CORO2B: variants seen among roughly 807,000 people sequenced by gnomAD.
The protein encoded by CORO2B is coronin 2B.
A neutral mutation model predicts 58.8 loss-of-function variants in CORO2B; 26 were observed. That is an observed-to-expected ratio of 0.44 (90% CI 0.32 to 0.61). The LOEUF (loss-of-function observed/expected upper bound fraction) is 0.61, where lower values mean the gene tolerates loss of function less well. Ranked by LOEUF, CORO2B falls within the 20% of genes least tolerant of loss-of-function variation. CORO2B has a pLI of 0.04. For missense variants in CORO2B, 460 were observed against 645.1 expected (o/e 0.71, Z 3.11); for synonymous variants, 242 against 253.8 (o/e 0.95, Z 0.44).
the CORO2B span, among the ~76,000 whole-genome samples, chr15:68,559,766 C>T: frequency 9.4e-3 from 1,428 of 152,276 alleles, 31 homozygotes; most frequent in African/African-American, 0.032. This position sits in a 1 kb window ranked among gnomAD's most constrained non-coding sequence, Gnocchi z 4.3. Flanking sequence ...TGCAGCTCCA[C>T]GGCGTGCCCA....
At chr15:68,569,816 G>C in the CORO2B span, among the ~76,000 whole-genome samples, 1 of 152,216 alleles carries the variant, frequency 6.6e-6, no homozygotes, top group South Asian at 2.1e-4. Context: ...TCAGTGTTTA[G>C]AGCTTTGCCC....
At chr15:68,635,316 T>C (rs183729060) in intron 1 of CORO2B, among the ~76,000 whole-genome samples, 1 of 152,310 alleles carries the variant, frequency 6.6e-6, no homozygotes, top group East Asian at 1.9e-4. Context: ...CCAGCCTCAG[T>C]GGCTGCAAAT....
At position 68,604,619 on chromosome 15, in the gene CORO2B, TA is replaced by T. The variant is rs58032591; in HGVS notation, c.15+25353del. Among the ~76,000 whole-genome samples the T allele has an allele frequency of 4.3e-4, 62 of 145,664 alleles. 1 individual carries two copies. In the South Asian group the frequency reaches 8.7e-3, roughly 20 times the overall value. On this transcript the variant is annotated intron_variant, in intron 1 of 11. Transcript: ENST00000261861. ...TCCTCTCTATGTATAAGTTGTGATT[TA>T]AAAAAAAAAACCTCCCTTCTGTGTA...
intron 2 of CORO2B, among the ~76,000 whole-genome samples, chr15:68,681,186 C>A (rs1168698699): frequency 6.6e-6 from 1 of 151,896 alleles, no homozygotes; most frequent in Non-Finnish European, 1.5e-5. Flanking sequence ...GCACTCTAGC[C>A]TGGGCGAGAG....
chr15:68,677,393 G>A (rs1902624191), intron 2 of CORO2B, among the ~76,000 whole-genome samples: 1 of 152,206 alleles, frequency 6.6e-6, no homozygotes, highest in Non-Finnish European at 1.5e-5. Context: ...AGGGCTAGCT[G>A]AAGGCCACAC....
chr15:68,625,730 A>G (rs61139980), intron 1 of CORO2B, among the ~76,000 whole-genome samples: 5,657 of 152,172 alleles, frequency 0.037, 126 homozygotes, highest in South Asian at 0.1. Flanking sequence ...TCAGCACCCC[A>G]AGTAGCTAGG....
chr15:68,720,055 C>T (rs148426892), intron 11 of CORO2B, among the ~76,000 whole-genome samples: 68 of 152,270 alleles, frequency 4.5e-4, no homozygotes, highest in African/African-American at 1.4e-3. Context: ...TGTCCCCCAG[C>T]GGTATTTCGT....
intron 3 of CORO2B, among the ~76,000 whole-genome samples, chr15:68,706,157 C>T (rs1196290573): frequency 6.6e-6 from 1 of 152,220 alleles, no homozygotes; most frequent in Non-Finnish European, 1.5e-5. Flanking sequence ...AGCCAGCCTG[C>T]TCCACACGAG....
At chr15:68,559,934 AG>A in the CORO2B span, among the ~76,000 whole-genome samples, 1 of 152,202 alleles carries the variant, frequency 6.6e-6, no homozygotes, top group African/African-American at 2.4e-5. This position sits in a 1 kb window ranked among gnomAD's most constrained non-coding sequence, Gnocchi z 4.3. Flanking sequence ...TGGCGTTAGG[AG>A]TGCAAGAAGT....
intron 2 of CORO2B, among the ~76,000 whole-genome samples, chr15:68,662,851 A>G (rs1473116447): frequency 6.6e-6 from 1 of 152,218 alleles, no homozygotes; most frequent in East Asian, 1.9e-4. Flanking sequence ...ATAGATTTGT[A>G]TATATTTTAT....
chr15:68,580,009 GCAGTGGAAAGTGCCAGGGT>G (rs1595949240), intron 1 of CORO2B, among the ~76,000 whole-genome samples: 1 of 152,354 alleles, frequency 6.6e-6, no homozygotes, highest in East Asian at 1.9e-4. Flanking sequence ...AGATGATGGG[GCAGTGGAAAGTGCCAGGGT>G]CAAGGGACCA....
intron 2 of CORO2B, among the ~76,000 whole-genome samples, chr15:68,678,107 C>T (rs1902647671): frequency 6.6e-6 from 1 of 152,214 alleles, no homozygotes; most frequent in Non-Finnish European, 1.5e-5. Flanking sequence ...ATGCACTTGA[C>T]TTTCCCCCCA....
At chr15:68,551,924 A>G in the CORO2B span, among the ~76,000 whole-genome samples, 2 of 151,720 alleles carry the variant, frequency 1.3e-5, no homozygotes, top group Non-Finnish European at 2.9e-5. Flanking sequence ...CTCTCCTCCC[A>G]TACATCAAGA....
intron 2 of CORO2B, among the ~76,000 whole-genome samples, chr15:68,681,315 C>T (rs1349864742): frequency 6.6e-6 from 1 of 151,782 alleles, no homozygotes; most frequent in Non-Finnish European, 1.5e-5. Context: ...GGAGTTGGGG[C>T]GTCTCTTGAG....
chr15:68,637,391 G>A (rs1244674979), intron 1 of CORO2B, among the ~76,000 whole-genome samples: 2 of 152,224 alleles, frequency 1.3e-5, no homozygotes, highest in Non-Finnish European at 2.9e-5. Context: ...CGGGTGGAGG[G>A]GGAACAGATG....
intron 1 of CORO2B, among the ~76,000 whole-genome samples, chr15:68,611,139 C>T (rs573055460): frequency 2.5e-4 from 38 of 152,322 alleles, no homozygotes; most frequent in African/African-American, 8.4e-4. Flanking sequence ...TATATGTACA[C>T]GCATGTTGGA....
chr15:68,573,596 G>T, the CORO2B span, among the ~76,000 whole-genome samples: 10 of 152,152 alleles, frequency 6.6e-5, 1 homozygote, highest in Non-Finnish European at 8.8e-5. Flanking sequence ...GCAGGGCAGG[G>T]TGGGAGCTGA....
intron 2 of CORO2B, among the ~76,000 whole-genome samples, chr15:68,662,320 T>C (rs1033409439): frequency 6.6e-6 from 1 of 152,256 alleles, no homozygotes; most frequent in African/African-American, 2.4e-5. Flanking sequence ...ATAGTAATCC[T>C]GCACCCACAT....
At chr15:68,673,768 CAG>C (rs1902481250) in intron 2 of CORO2B, among the ~76,000 whole-genome samples, 1 of 143,210 alleles carries the variant, frequency 7.0e-6, no homozygotes, top group Non-Finnish European at 1.5e-5. Flanking sequence ...ACGGGGGAGA[CAG>C]AGTTTGCAGT....
Sources: allele counts gnomAD v4.1 joint callset (sites outside exome capture counted in the v4.1 genomes callset), GRCh38; gene constraint gnomAD v4.1.1; non-coding constraint Gnocchi (gnomAD v3.1); transcripts MANE v1.5; gene names NCBI Gene and HGNC (gene_info 2026-07-23, HGNC 2026-07-21).